The following PPARGC1A variants were observed in gnomAD, a reference collection of about 807,000 sequenced individuals.
PPARGC1A encodes peroxisome proliferator-activated receptor gamma coactivator 1-alpha.
Under a neutral mutation model 88.7 loss-of-function variants are expected in PPARGC1A, and 25 were observed. That is an observed-to-expected ratio of 0.28 (90% CI 0.21 to 0.39). The LOEUF is 0.39. PPARGC1A is among the 10% of genes least tolerant of loss of function. PPARGC1A has a pLI of 1.00. For synonymous variants in PPARGC1A, 363 were observed against 355.6 expected (o/e 1.02, Z -0.24); for missense variants, 880 against 968.7 (o/e 0.91, Z 1.22).
chr4:24,104,923 C>G, the PPARGC1A span, among the ~76,000 whole-genome samples: 1 of 152,180 alleles, frequency 6.6e-6, no homozygotes, highest in East Asian at 1.9e-4. Context: ...TACTTCCCTT[C>G]CCTGAGCCTC....
At chr4:24,197,172 C>T in the PPARGC1A span, among the ~76,000 whole-genome samples, 4 of 152,124 alleles carry the variant, frequency 2.6e-5, no homozygotes, top group Non-Finnish European at 5.9e-5. Context: ...GTATTAGCCA[C>T]CCAAGAAGGG....
the PPARGC1A span, among the ~76,000 whole-genome samples, chr4:24,441,643 C>A: frequency 6.7e-6 from 1 of 149,122 alleles, no homozygotes; most frequent in African/African-American, 2.5e-5. Flanking sequence ...TGGCTATTGT[C>A]CAAAAAAAAG....
chr4:23,887,681 G>T (rs1324338011), intron 1 of PPARGC1A, among the ~76,000 whole-genome samples: 1 of 152,140 alleles, frequency 6.6e-6, no homozygotes, highest in Non-Finnish European at 1.5e-5. Context: ...TGATGATAAT[G>T]AATCATTATA....
intron 1 of PPARGC1A, among the ~76,000 whole-genome samples, chr4:23,886,246 A>C (rs543128521): frequency 2.5e-4 from 38 of 152,326 alleles, no homozygotes; most frequent in African/African-American, 9.1e-4. Flanking sequence ...GCATAAAATG[A>C]AAGATGCTCC....
the PPARGC1A span, among the ~76,000 whole-genome samples, chr4:23,954,782 C>T: frequency 3.3e-5 from 5 of 151,916 alleles, no homozygotes; most frequent in African/African-American, 1.2e-4. Context: ...GAGTCAATTT[C>T]TCTATTTTCT....
At chr4:24,018,875 T>C in the PPARGC1A span, among the ~76,000 whole-genome samples, 3 of 152,178 alleles carry the variant, frequency 2.0e-5, no homozygotes, top group Non-Finnish European at 4.4e-5. Context: ...TAATCAAGTA[T>C]AGCATTGTAA....
At chr4:24,324,045 C>G in the PPARGC1A span, among the ~76,000 whole-genome samples, 7 of 152,224 alleles carry the variant, frequency 4.6e-5, no homozygotes, top group Non-Finnish European at 1.0e-4. Context: ...GCGCCGGTCA[C>G]GGACTGGGAA....
At chr4:24,265,678 T>C in the PPARGC1A span, among the ~76,000 whole-genome samples, 36 of 152,194 alleles carry the variant, frequency 2.4e-4, no homozygotes, top group African/African-American at 8.4e-4. Context: ...ATTTTATATA[T>C]GCTGCTTTCC....
the PPARGC1A span, among the ~76,000 whole-genome samples, chr4:24,362,855 A>C: frequency 6.6e-6 from 1 of 152,352 alleles, no homozygotes; most frequent in South Asian, 2.1e-4. Flanking sequence ...ATGAGACAGG[A>C]GAGGCATTCA....
At chr4:24,411,356 G>T in the PPARGC1A span, among the ~76,000 whole-genome samples, 2 of 152,146 alleles carry the variant, frequency 1.3e-5, no homozygotes. Context: ...TTTTTCAATA[G>T]GTTTTATAAT....
chr4:24,291,072 C>G, the PPARGC1A span, among the ~76,000 whole-genome samples: 1 of 152,198 alleles, frequency 6.6e-6, no homozygotes, highest in East Asian at 1.9e-4. Context: ...CACTTTCTAT[C>G]TCTCAGATCA....
the PPARGC1A span, among the ~76,000 whole-genome samples, chr4:24,057,613 G>A: frequency 2.0e-5 from 3 of 152,176 alleles, no homozygotes. Flanking sequence ...GGAAAGCCTT[G>A]GTAGTGGTGG....
chr4:23,962,198 T>C, the PPARGC1A span, among the ~76,000 whole-genome samples: 1 of 152,086 alleles, frequency 6.6e-6, no homozygotes, highest in Admixed American at 6.5e-5. Context: ...TGCTGTGGAA[T>C]AGAAAAGTCT....
At chr4:23,920,320 T>C in the PPARGC1A span, among the ~76,000 whole-genome samples, 1 of 152,330 alleles carries the variant, frequency 6.6e-6, no homozygotes, top group African/African-American at 2.4e-5. Flanking sequence ...GTCTTTTCCC[T>C]GAAAAGAGCC....
chr4:24,292,451 C>T, the PPARGC1A span, among the ~76,000 whole-genome samples: 1 of 151,624 alleles, frequency 6.6e-6, no homozygotes, highest in Non-Finnish European at 1.5e-5. Context: ...AGGTTTCCCT[C>T]ATGCCTGCCT....
chr4:24,333,721 G>T, the PPARGC1A span, among the ~76,000 whole-genome samples: 1 of 151,920 alleles, frequency 6.6e-6, no homozygotes, highest in Non-Finnish European at 1.5e-5. Context: ...ATCACCTGAG[G>T]TCATGAGTTC....
the PPARGC1A span, among the ~76,000 whole-genome samples, chr4:24,171,183 C>G: frequency 6.6e-6 from 1 of 152,086 alleles, no homozygotes; most frequent in Admixed American, 6.5e-5. Flanking sequence ...ACACTGAGAC[C>G]GGCGGATCGG....
chr4:24,064,609 T>C, the PPARGC1A span, among the ~76,000 whole-genome samples: 2 of 152,158 alleles, frequency 1.3e-5, no homozygotes, highest in East Asian at 3.9e-4. Flanking sequence ...ACAGCTCATA[T>C]AAAGACACAC....
the PPARGC1A span, among the ~76,000 whole-genome samples, chr4:24,046,945 C>T: frequency 6.6e-6 from 1 of 152,078 alleles, no homozygotes; most frequent in Non-Finnish European, 1.5e-5. Context: ...TTGAAGACTA[C>T]CTGCTACATG....
Sources: gnomAD v4.1 joint callset for allele counts (sites outside exome capture counted in the v4.1 genomes callset) on GRCh38, gnomAD v4.1.1 for gene constraint, MANE v1.5 for transcripts, NCBI Gene and HGNC (gene_info 2026-07-23, HGNC 2026-07-21) for gene names.